SLC7A8: variants seen among roughly 807,000 people sequenced by gnomAD.
SLC7A8 encodes solute carrier family 7 member 8.
Under a neutral mutation model 51.2 loss-of-function variants are expected in SLC7A8, and 30 were observed. That is an observed-to-expected ratio of 0.59 (90% CI 0.44 to 0.80). The LOEUF (loss-of-function observed/expected upper bound fraction) is 0.80. Ranked by LOEUF, SLC7A8 falls within the 30% of genes least tolerant of loss-of-function variation. The pLI is 0.00. For missense variants in SLC7A8, 612 were observed against 674.4 expected (o/e 0.91, Z 1.03); for synonymous variants, 257 against 275.8 (o/e 0.93, Z 0.67).
Position 23,162,348 on chromosome 14 carries a change from ATTTAAGAT to A in SLC7A8, c.508+2929_508+2936del, listed in dbSNP as rs1306697512. ...AAGACTACGCTTGGGAATAAGAAGG[ATTTAAGAT>A]TTTTCTGCTTATGAAGGTAGACAAA... On this transcript the variant is annotated intron_variant, in intron 3 of 10. Transcript: ENST00000316902. Among the ~76,000 whole-genome samples the A allele has an allele frequency of 2.0e-5, 3 of 152,134 alleles. No individual in the cohort carries two copies. The East Asian group carries it at 5.8e-4, about 29-fold the overall frequency.
rs1566354347 is a variant in SLC7A8, at chr14:23,129,737, G to A, written c.1176C>T (p.Gly392=). ...CCCCATAGAAGAGGTAGTTGATGAAGCCCACATAGTTGATGAGTGTGTACA... is the reference window on the plus strand; with the variant it reads ...CCCCATAGAAGAGGTAGTTGATGAAACCCACATAGTTGATGAGTGTGTACA... The part of the protein sequence containing the change: ...SDMYTLINYV[G]FINYLFYGVT... The change falls in exon 9 of 11, where the codon GGC becomes GGT. Residue 392 remains glycine, a synonymous_variant. Coordinates refer to ENST00000316902, the MANE Select transcript of SLC7A8 (RefSeq NM_012244.4). 9 of 1,614,200 alleles carry A rather than the reference G, an allele frequency of 5.6e-6. No individual in the cohort carries two copies. Among genetic ancestry groups the A allele is most frequent in the Non-Finnish European group, 6.8e-6 (8 of 1,180,026 alleles).
chr14:23,172,344 C>T lies in SLC7A8; in HGVS notation c.152-5804G>A, dbSNP rs1402605730. Among the ~76,000 whole-genome samples the T allele has an allele frequency of 5.3e-5, 8 of 152,158 alleles. No homozygotes were observed. The East Asian group carries it at 5.8e-4, about 11-fold the overall frequency. On this transcript the variant is annotated intron_variant, in intron 1 of 10. Transcript: ENST00000316902. ...TGGTCTAGGTGTAATTTGTAGATGC[C>T]GCAGGTGGGCGGGCAGCAGGTAATT...
chr14:23,155,762 T>TGG (rs2048888032), intron 3 of SLC7A8, among the ~76,000 whole-genome samples: 2 of 151,984 alleles, frequency 1.3e-5, no homozygotes, highest in South Asian at 4.2e-4. Flanking sequence ...CTGTTGAGTC[T>TGG]GCACTGAGCC....
chr14:23,179,753 G>A (rs962057304), intron 1 of SLC7A8, among the ~76,000 whole-genome samples: 1 of 152,020 alleles, frequency 6.6e-6, no homozygotes, highest in Non-Finnish European at 1.5e-5. Context: ...AGGCTGCAGC[G>A]ATGCAGTGAG....
intron 1 of SLC7A8, among the ~76,000 whole-genome samples, chr14:23,179,089 A>G (rs1877049275): frequency 6.6e-6 from 1 of 151,974 alleles, no homozygotes; most frequent in Admixed American, 6.6e-5. Context: ...TTATGCTTTT[A>G]CCTAAGAAAA....
In SLC7A8 at chr14:23,137,262, G is replaced by A. The variant is rs1046002689; in HGVS notation, c.1016+659C>T. ...GCTTCTGAGAGTGCTCTGGGGTGGGGGTCACGGATAAAAGGCTCTTTCTTT... is the reference window on the plus strand; with the variant it reads ...GCTTCTGAGAGTGCTCTGGGGTGGGAGTCACGGATAAAAGGCTCTTTCTTT... On this transcript the variant is annotated intron_variant, in intron 7 of 10. Transcript: ENST00000316902. Among the ~76,000 whole-genome samples the A allele has an allele frequency of 5.9e-5, 9 of 152,124 alleles. No homozygotes were observed. In the South Asian group the frequency reaches 1.0e-3, roughly 18 times the overall value.
chr14:23,144,786 G>A (rs915376777), intron 3 of SLC7A8, among the ~76,000 whole-genome samples: 2 of 152,060 alleles, frequency 1.3e-5, no homozygotes, highest in Non-Finnish European at 2.9e-5. Context: ...AATTCAGCAT[G>A]TTATTTATTC....
At chr14:23,156,156 G>A (rs1262219939) in intron 3 of SLC7A8, among the ~76,000 whole-genome samples, 4 of 151,902 alleles carry the variant, frequency 2.6e-5, no homozygotes, top group African/African-American at 7.2e-5. Flanking sequence ...ATGTCACCAC[G>A]CCCGGCTAAT....
intron 1 of SLC7A8, among the ~76,000 whole-genome samples, chr14:23,171,036 G>A (rs1480124153): frequency 1.3e-5 from 2 of 152,070 alleles, no homozygotes; most frequent in South Asian, 2.1e-4. Flanking sequence ...GCCAACACAC[G>A]TTTCTTGATG....
At chr14:23,175,609 T>C (rs1038466734) in intron 1 of SLC7A8, among the ~76,000 whole-genome samples, 1 of 152,196 alleles carries the variant, frequency 6.6e-6, no homozygotes, top group African/African-American at 2.4e-5. Context: ...TTTCCTCCAC[T>C]CTAAGCATCT....
chr14:23,137,467 A>G (rs1344994617), intron 7 of SLC7A8, among the ~76,000 whole-genome samples: 1 of 152,144 alleles, frequency 6.6e-6, no homozygotes, highest in East Asian at 1.9e-4. Flanking sequence ...CAGAACATTC[A>G]TGGGAGGCCA....
chr14:23,125,385 T>C lies in SLC7A8; in HGVS notation c.*1792A>G, dbSNP rs2048566164. 1 of 152,036 alleles carries C rather than the reference T, an allele frequency of 6.6e-6. No homozygotes were observed. The highest frequency in any genetic ancestry group is 1.5e-5 in the Non-Finnish European group (1 of 68,010). The allele number at this position is 152,036 out of a possible 1,614,324, so 9.4% of individuals were successfully genotyped here. The stretch of plus-strand genomic sequence containing the variant: ...AACCTACACCAAACGAAAGAAATTA[T>C]CATTAAGGTTCTAACTCCATCCCCC... On this transcript the variant is annotated 3_prime_UTR_variant, in exon 11 of 11. Coordinates refer to ENST00000316902, the MANE Select transcript of SLC7A8 (RefSeq NM_012244.4).
intron 3 of SLC7A8, 51 bp from the exon 4 acceptor site, chr14:23,143,255 T>A: frequency 6.2e-7 from 1 of 1,606,830 alleles, no homozygotes; most frequent in Non-Finnish European, 8.5e-7. Flanking sequence ...TCTGGCTGCA[T>A]GATGCCCAAG....
chr14:23,137,922 G>A lies in SLC7A8; in HGVS notation c.1015C>T (p.Arg339Trp), dbSNP rs140066180. 8 of 1,613,668 alleles carry A rather than the reference G, an allele frequency of 5.0e-6. No individual in the cohort carries two copies. Among genetic ancestry groups the A allele is most frequent in the South Asian group, 4.4e-5 (4 of 91,064 alleles). ...GVNGSLFTSS[R>W]LFFAGAREGH... ...GGGAAGGGCCCAGGCAGCACTCACC[G>A]AGAGGAGGTGAAGAGAGACCCATTA... Residue 339 changes from arginine to tryptophan, a missense_variant and splice_region_variant, in exon 7 of 11, where the codon CGG (arginine) becomes TGG (tryptophan). Transcript: ENST00000316902.
chr14:23,165,137 G>A lies in SLC7A8; in HGVS notation c.508+148C>T. On this transcript the variant is annotated intron_variant, in intron 3 of 10. Coordinates refer to ENST00000316902, the MANE Select transcript of SLC7A8 (RefSeq NM_012244.4). The surrounding 1 kb of genome is among the most constrained non-coding windows in gnomAD (Gnocchi z 4.2). ...GGAGGCCGAGGCAGGAGGATCACTT[G>A]AGCCCAGGAGTTCAAGGCTGCAGTG... 2.5e-6 allele frequency: 2 copies of A among 791,802 alleles called. No homozygotes were observed. Among genetic ancestry groups the A allele is most frequent in the Non-Finnish European group, 3.6e-6 (2 of 561,128 alleles). 49.0% of individuals were successfully genotyped at this position (791,802 alleles called of 1,614,324 possible). A position where few individuals can be genotyped will look rare whatever the true frequency, so the allele number is the denominator to read the frequency against.
At chr14:23,153,010 C>T (rs931595549) in intron 3 of SLC7A8, among the ~76,000 whole-genome samples, 1 of 152,180 alleles carries the variant, frequency 6.6e-6, no homozygotes, top group African/African-American at 2.4e-5. Context: ...CAACTCTTGG[C>T]CCTAGAGGTA....
chr14:23,166,227 C>T, intron 2 of SLC7A8, 109 bp downstream of exon 2: 1 of 1,156,286 alleles, frequency 8.6e-7, no homozygotes, highest in Non-Finnish European at 1.3e-6. Flanking sequence ...CACCCCGTGG[C>T]ACACTGGAGA....
Position 23,183,023 on chromosome 14 carries a change from G to A in SLC7A8, c.-109C>T. 2 of 1,352,286 alleles carry A rather than the reference G, an allele frequency of 1.5e-6. No homozygotes were observed. Among genetic ancestry groups the A allele is most frequent in the Admixed American group, 1.8e-5 (1 of 55,206 alleles). 83.8% of individuals were successfully genotyped at this position (1,352,286 alleles called of 1,614,324 possible). ...ATTAGAACGTCCTTTTCCGAAATAG[G>A]AACCACTGCTACTCTCTAAAAAAGG... On this transcript the variant is annotated 5_prime_UTR_variant, in exon 1 of 11. Transcript: ENST00000316902.
At chr14:23,170,883 A>G (rs1264927525) in intron 1 of SLC7A8, among the ~76,000 whole-genome samples, 1 of 151,356 alleles carries the variant, frequency 6.6e-6, no homozygotes, top group Non-Finnish European at 1.5e-5. Context: ...GTGCCACTAT[A>G]CAAAGCTAAT....
Sources: allele counts gnomAD v4.1 joint callset (sites outside exome capture counted in the v4.1 genomes callset), GRCh38; gene constraint gnomAD v4.1.1; non-coding constraint Gnocchi (gnomAD v3.1); transcripts MANE v1.5; gene names NCBI Gene and HGNC (gene_info 2026-07-23, HGNC 2026-07-21).